PTPN12: variants seen among roughly 807,000 people sequenced by gnomAD.
PTPN12 encodes the protein tyrosine-protein phosphatase non-receptor type 12.
A neutral mutation model predicts 97.6 loss-of-function variants in PTPN12; 29 were observed. That is an observed-to-expected ratio of 0.30 (90% CI 0.22 to 0.41). The LOEUF (loss-of-function observed/expected upper bound fraction) is 0.41, where lower values mean the gene tolerates loss of function less well. PTPN12 is among the 10% of genes least tolerant of loss of function. The probability of loss-of-function intolerance (pLI) is 1.00; values close to 1 mark genes in which losing one functional copy is unlikely to be tolerated. For missense variants in PTPN12, 819 were observed against 926.0 expected (o/e 0.88, Z 1.50); for synonymous variants, 327 against 300.4 (o/e 1.09, Z -0.91).
intron 1 of PTPN12, among the ~76,000 whole-genome samples, chr7:77,567,661 A>T (rs1203609275): frequency 1.3e-5 from 2 of 152,226 alleles, no homozygotes; most frequent in African/African-American, 2.4e-5. Flanking sequence ...TCTGAAGCAC[A>T]CTCAAATTTG....
At chr7:77,618,665 A>G (rs773392939) in intron 12 of PTPN12, 100 bp downstream of exon 12, 16 of 791,982 alleles carry the variant, frequency 2.0e-5, no homozygotes, top group Non-Finnish European at 2.8e-5. Flanking sequence ...TACTTTTATA[A>G]CTTTTATTAT....
chr7:77,566,225 A>G (rs1288988289), intron 1 of PTPN12, among the ~76,000 whole-genome samples: 3 of 152,252 alleles, frequency 2.0e-5, no homozygotes, highest in Non-Finnish European at 4.4e-5. Context: ...AAACTCTAAT[A>G]AGAGCATTAT....
In PTPN12 at chr7:77,583,666, T is replaced by C; in HGVS notation, c.381+16T>C. 1.4e-6 allele frequency: 2 copies of C among 1,477,946 alleles called. No individual in the cohort carries two copies. The highest frequency in any genetic ancestry group is 1.9e-6 in the Non-Finnish European group (2 of 1,073,062). 91.6% of individuals were successfully genotyped at this position (1,477,946 alleles called of 1,614,324 possible). A position where few individuals can be genotyped will look rare whatever the true frequency, so the allele number is the denominator to read the frequency against. On this transcript the variant is annotated intron_variant, in intron 4 of 17. Coordinates refer to ENST00000248594, the MANE Select transcript of PTPN12 (RefSeq NM_002835.4). Reference sequence around the variant, plus strand: ...TAATGTTGTGGTAAGTAATTTACTTTTCACAATAAATTTTGAGAAATACTT... The same window carrying C: ...TAATGTTGTGGTAAGTAATTTACTTCTCACAATAAATTTTGAGAAATACTT...
intron 5 of PTPN12, among the ~76,000 whole-genome samples, chr7:77,589,548 A>T (rs1787799572): frequency 1.3e-5 from 2 of 152,020 alleles, no homozygotes; most frequent in Admixed American, 1.3e-4. Flanking sequence ...AAATATGTTA[A>T]TTTTTTCAGT....
chr7:77,610,975 A>G lies in PTPN12; in HGVS notation c.868A>G (p.Ile290Val), dbSNP rs751835358. 2.1e-5 allele frequency: 34 copies of G among 1,613,194 alleles called. No individual in the cohort carries two copies. Among genetic ancestry groups the G allele is most frequent in the East Asian group, 2.2e-5 (1 of 44,764 alleles). The change falls in exon 11 of 18, where the codon ATT becomes GTT. Residue 290 changes from isoleucine (I) to valine (V), a missense_variant. By Grantham distance (29) the Ile-to-Val change is conservative (BLOSUM62 3). Transcript: ENST00000248594. ...KEQYELVHRA[I>V]AQLFEKQLQL... ...GCAATATGAACTTGTTCATAGAGCT[A>G]TTGCCCAACTGTTTGAAAAACAGCT...
chr7:77,600,355 T>A (rs1788153006), intron 7 of PTPN12, among the ~76,000 whole-genome samples: 1 of 152,182 alleles, frequency 6.6e-6, no homozygotes. Flanking sequence ...AACTGCCTGG[T>A]TTAGAGCCCA....
intron 11 of PTPN12, among the ~76,000 whole-genome samples, chr7:77,613,372 A>T (rs945377972): frequency 6.9e-6 from 1 of 144,086 alleles, no homozygotes; most frequent in Admixed American, 6.9e-5. Flanking sequence ...ACAGGGTTTC[A>T]CCATGTTGGC....
At chr7:77,633,219 G>A (rs953457822) in intron 14 of PTPN12, among the ~76,000 whole-genome samples, 4 of 150,956 alleles carry the variant, frequency 2.6e-5, no homozygotes, top group Non-Finnish European at 4.4e-5. Flanking sequence ...GCAGTGAGCC[G>A]AGATCACACT....
At chr7:77,609,273 C>CTT (rs34358650) in intron 9 of PTPN12, among the ~76,000 whole-genome samples, 3,504 of 126,880 alleles carry the variant, frequency 0.028, 170 homozygotes, top group African/African-American at 0.082. Context: ...CTCTCTCTCT[C>CTT]TTTTTTTTTT....
intron 12 of PTPN12, among the ~76,000 whole-genome samples, chr7:77,623,532 G>A (rs925109616): frequency 2.0e-5 from 3 of 152,174 alleles, no homozygotes; most frequent in Admixed American, 6.5e-5. Flanking sequence ...CCAACATGGC[G>A]AAACCCTGTC....
rs370593714 is a variant in PTPN12 at position 77,564,827 on chromosome 7, A to G, written c.100-6251A>G. ...GGCTGGAGTGCAGTGGCACGATCTC[A>G]GCTCACTGCAACCTCCGCCTTACTG... On this transcript the variant is annotated intron_variant, in intron 1 of 17. Coordinates refer to ENST00000248594, the MANE Select transcript of PTPN12 (RefSeq NM_002835.4). Among the ~76,000 whole-genome samples, 9 of 129,338 alleles carry G rather than the reference A, an allele frequency of 7.0e-5. No individual in the cohort carries two copies. The East Asian group carries it at 9.7e-4, about 14-fold the overall frequency. The allele number at this position is 129,338 out of a possible 152,430, so 84.9% of individuals were successfully genotyped here. A position where few individuals can be genotyped will look rare whatever the true frequency, so the allele number is the denominator to read the frequency against.
intron 14 of PTPN12, 84 bp from the exon 15 acceptor site, chr7:77,635,698 A>T: frequency 1.3e-6 from 1 of 771,146 alleles, no homozygotes; most frequent in Non-Finnish European, 1.9e-6. Context: ...TAAAATCTTT[A>T]GGATCTGTTT....
At chr7:77,598,564 TC>T (rs1432490685) in intron 7 of PTPN12, among the ~76,000 whole-genome samples, 1 of 151,936 alleles carries the variant, frequency 6.6e-6, no homozygotes, top group African/African-American at 2.4e-5. Context: ...ACACCTATAA[TC>T]CCAGCTACTC....
chr7:77,551,954 A>G (rs1584096549), intron 1 of PTPN12, among the ~76,000 whole-genome samples: 1 of 152,340 alleles, frequency 6.6e-6, no homozygotes, highest in East Asian at 1.9e-4. Flanking sequence ...ATGAATGCCA[A>G]GGAGAAACAT....
At chr7:77,558,210 C>CAAAAA (rs61149538) in intron 1 of PTPN12, among the ~76,000 whole-genome samples, 11 of 93,582 alleles carry the variant, frequency 1.2e-4, no homozygotes, top group Non-Finnish European at 1.3e-4. Flanking sequence ...GACTCCATCT[C>CAAAAA]AAAAAAAAAA....
chr7:77,602,335 A>ATATATG (rs1226106968), intron 8 of PTPN12, among the ~76,000 whole-genome samples: 2 of 152,248 alleles, frequency 1.3e-5, no homozygotes, highest in Non-Finnish European at 2.9e-5. Flanking sequence ...ACATATGCAC[A>ATATATG]TATATGTATA....
At chr7:77,608,825 T>C (rs1584185285) in intron 9 of PTPN12, among the ~76,000 whole-genome samples, 1 of 152,198 alleles carries the variant, frequency 6.6e-6, no homozygotes, top group Admixed American at 6.5e-5. Flanking sequence ...TTAACTGGAA[T>C]TCGATCACAT....
At chr7:77,583,305 A>G (rs2151333070) in intron 3 of PTPN12, among the ~76,000 whole-genome samples, 1 of 152,328 alleles carries the variant, frequency 6.6e-6, no homozygotes, top group East Asian at 1.9e-4. Context: ...TTTAATTAGC[A>G]TAAGGCGGTT....
At chr7:77,637,344 C>G (rs186372831) in intron 16 of PTPN12, among the ~76,000 whole-genome samples, 102 of 152,110 alleles carry the variant, frequency 6.7e-4, no homozygotes, top group African/African-American at 2.2e-3. Flanking sequence ...TTTAAAAACA[C>G]CTAGAAGTTA....
Sources: gnomAD v4.1 joint callset for allele counts (sites outside exome capture counted in the v4.1 genomes callset) on GRCh38, gnomAD v4.1.1 for gene constraint, MANE v1.5 for transcripts, NCBI Gene and HGNC (gene_info 2026-07-23, HGNC 2026-07-21) for gene names.